Variants in GALNTL5 observed in about 807,000 individuals in gnomAD.
GALNTL5 encodes inactive polypeptide N-acetylgalactosaminyltransferase-like protein 5.
In GALNTL5, 44 loss-of-function variants were observed where a neutral mutation model predicts 51.0. The observed-to-expected ratio is 0.86, with a 90% CI of 0.68 to 1.11. GALNTL5 has a LOEUF of 1.11. Among genes scored for constraint, GALNTL5 ranks in the 50% least tolerant of loss-of-function variants. GALNTL5 has a pLI of 0.00. For synonymous variants in GALNTL5, 192 were observed against 182.8 expected (o/e 1.05, Z -0.41); for missense variants, 528 against 531.8 (o/e 0.99, Z 0.07).
At chr7:151,970,373 C>T (rs1414094838) in intron 2 of GALNTL5, among the ~76,000 whole-genome samples, 1 of 152,176 alleles carries the variant, frequency 6.6e-6, no homozygotes, top group Admixed American at 6.5e-5. Context: ...GATAAACTTC[C>T]CTTTCCCCAC....
intron 5 of GALNTL5, among the ~76,000 whole-genome samples, chr7:151,998,911 C>T (rs181176251): frequency 3.3e-5 from 5 of 151,972 alleles, no homozygotes; most frequent in South Asian, 2.1e-4. Flanking sequence ...AATTGAGGCA[C>T]GATTAACATA....
chr7:151,979,876 C>G (rs150962317), intron 3 of GALNTL5, among the ~76,000 whole-genome samples: 2 of 152,254 alleles, frequency 1.3e-5, no homozygotes, highest in Non-Finnish European at 1.5e-5. Flanking sequence ...GCTCCTCCAC[C>G]AACATCAAAC....
chr7:151,987,883 G>A (rs1215973287), intron 5 of GALNTL5, among the ~76,000 whole-genome samples: 1 of 152,226 alleles, frequency 6.6e-6, no homozygotes, highest in African/African-American at 2.4e-5. Flanking sequence ...CCGTTAGGGA[G>A]ACCTGCAATG....
chr7:152,016,637 A>G (rs2081818290), intron 8 of GALNTL5, among the ~76,000 whole-genome samples: 1 of 152,204 alleles, frequency 6.6e-6, no homozygotes, highest in African/African-American at 2.4e-5. Flanking sequence ...AAACTAATAA[A>G]CAGCATTATT....
chr7:151,957,444 G>A (rs891076389), intron 1 of GALNTL5, among the ~76,000 whole-genome samples: 5 of 151,126 alleles, frequency 3.3e-5, no homozygotes, highest in African/African-American at 4.9e-5. Context: ...AGCTACTTGG[G>A]AGGCTGAAAG....
At chr7:151,972,435 C>T (rs1026192810) in intron 3 of GALNTL5, among the ~76,000 whole-genome samples, 2 of 152,154 alleles carry the variant, frequency 1.3e-5, no homozygotes, top group Non-Finnish European at 2.9e-5. Context: ...CAGAAATTTG[C>T]ATAAGTAATG....
At chr7:151,958,927 G>A (rs559040697) in intron 1 of GALNTL5, among the ~76,000 whole-genome samples, 5 of 152,244 alleles carry the variant, frequency 3.3e-5, no homozygotes, top group African/African-American at 9.6e-5. Flanking sequence ...CCCAACATGG[G>A]GCTGAGTCTG....
chr7:152,019,511 CA>C, intron 8 of GALNTL5, 134 bp from the exon 9 acceptor site: 1 of 760,602 alleles, frequency 1.3e-6, no homozygotes, highest in Non-Finnish European at 2.1e-6. Context: ...ATTCCCTAGA[CA>C]GAAAAAAATT....
At chr7:151,986,705 T>G (rs894127650) in intron 4 of GALNTL5, among the ~76,000 whole-genome samples, 3 of 148,364 alleles carry the variant, frequency 2.0e-5, no homozygotes, top group Non-Finnish European at 4.4e-5. Flanking sequence ...TTTCTCTCCC[T>G]TAAATGGGAT....
chr7:151,965,896 G>A (rs1328535838), intron 1 of GALNTL5, among the ~76,000 whole-genome samples: 2 of 151,856 alleles, frequency 1.3e-5, no homozygotes, highest in South Asian at 2.1e-4. Context: ...TCAAAAAAAA[G>A]GGATACAGTA....
At chr7:151,965,720 A>T (rs111636279) in intron 1 of GALNTL5, among the ~76,000 whole-genome samples, 59 of 152,052 alleles carry the variant, frequency 3.9e-4, no homozygotes, top group African/African-American at 8.0e-4. Context: ...CTATACAAAA[A>T]AATAATAATA....
At chr7:151,977,667 A>C (rs1366340283) in intron 3 of GALNTL5, among the ~76,000 whole-genome samples, 2 of 152,128 alleles carry the variant, frequency 1.3e-5, no homozygotes, top group Non-Finnish European at 2.9e-5. Flanking sequence ...ATAATCACCT[A>C]TTATGTTGAA....
At position 152,019,817 on chromosome 7, in the gene GALNTL5, C is replaced by T. The variant is rs1249577164; in HGVS notation, c.*16C>T. The T allele has an allele frequency of 6.3e-6, 10 of 1,597,180 alleles. No individual in the cohort carries two copies. The highest frequency in any genetic ancestry group is 8.6e-6 in the Non-Finnish European group (10 of 1,168,912). Reference sequence around the variant, plus strand: ...CAGCCTGTGAAAGGAAAACAAATCACTTTCATTAATAAAGGGTTAAAAGTC... The same window carrying T: ...CAGCCTGTGAAAGGAAAACAAATCATTTTCATTAATAAAGGGTTAAAAGTC... On this transcript the variant is annotated 3_prime_UTR_variant, in exon 9 of 9. Transcript: ENST00000392800.
chr7:151,989,371 T>C (rs1229726206), intron 5 of GALNTL5, among the ~76,000 whole-genome samples: 1 of 152,092 alleles, frequency 6.6e-6, no homozygotes, highest in Non-Finnish European at 1.5e-5. Flanking sequence ...CAAACTGGTC[T>C]CTAACTCCTG....
chr7:152,004,950 T>C (rs2081625685), intron 6 of GALNTL5, among the ~76,000 whole-genome samples: 1 of 152,220 alleles, frequency 6.6e-6, no homozygotes, highest in Admixed American at 6.5e-5. Context: ...GATGATTTCT[T>C]TCCCTTTAGG....
At chr7:152,006,275 G>A (rs955996767) in intron 6 of GALNTL5, among the ~76,000 whole-genome samples, 9 of 152,232 alleles carry the variant, frequency 5.9e-5, no homozygotes, top group African/African-American at 1.4e-4. Context: ...TGTGAATGGC[G>A]GGAGGCGAAG....
chr7:151,992,718 G>A (rs1563016246), intron 5 of GALNTL5, among the ~76,000 whole-genome samples: 2 of 152,168 alleles, frequency 1.3e-5, no homozygotes, highest in Admixed American at 6.5e-5. Context: ...TGAAAATATC[G>A]TTTTGGGGAA....
chr7:151,988,715 C>CTTTT (rs3037136), intron 5 of GALNTL5, among the ~76,000 whole-genome samples: 4 of 143,262 alleles, frequency 2.8e-5, no homozygotes, highest in South Asian at 2.2e-4. Flanking sequence ...ATTTATTTTA[C>CTTTT]TTTTTTTTTT....
chr7:152,011,122 T>C (rs1462930521), intron 7 of GALNTL5, among the ~76,000 whole-genome samples: 1 of 152,172 alleles, frequency 6.6e-6, no homozygotes, highest in Non-Finnish European at 1.5e-5. Flanking sequence ...GCTCCCAACC[T>C]GTTGCTTCCT....
Sources: allele counts gnomAD v4.1 joint callset (sites outside exome capture counted in the v4.1 genomes callset), GRCh38; gene constraint gnomAD v4.1.1; transcripts MANE v1.5; gene names NCBI Gene and HGNC (gene_info 2026-07-23, HGNC 2026-07-21).